DCK: variants seen among roughly 807,000 people sequenced by gnomAD.
The protein encoded by DCK is deoxycytidine kinase, also known as deoxyadenosine kinase.
A neutral mutation model predicts 38.3 loss-of-function variants in DCK; 23 were observed. The observed-to-expected ratio is 0.60, with a 90% CI of 0.43 to 0.85. The LOEUF (loss-of-function observed/expected upper bound fraction) is 0.85. Among genes scored for constraint, DCK ranks in the 40% least tolerant of loss-of-function variants. DCK has a pLI of 0.00. For synonymous variants in DCK, 108 were observed against 100.6 expected (o/e 1.07, Z -0.44); for missense variants, 259 against 304.4 (o/e 0.85, Z 1.11).
In DCK at chr4:71,021,875, G is replaced by A. The variant is rs139506389; in HGVS notation, c.208-492G>A. ...AAATTAGTTGGGCATGGTGGCACGC[G>A]CCTGTAGTCCCAGCTACTTGGGAGG... is the stretch of plus-strand genomic sequence containing the variant. On this transcript the variant is annotated intron_variant, in intron 2 of 6. Coordinates refer to ENST00000286648, the MANE Select transcript of DCK (RefSeq NM_000788.3). Among the ~76,000 whole-genome samples the A allele has an allele frequency of 1.4e-3, 208 of 152,250 alleles. 1 individual carries two copies. The highest frequency in any genetic ancestry group is 6.7e-3 in the East Asian group (35 of 5,186).
Position 71,029,378 on chromosome 4 carries a change from A to G in DCK, c.783A>G (p.Ter261TrpextTer3). Residue 261 changes from the stop codon to tryptophan (W), a stop_lost, in exon 7 of 7, where the codon TGA (stop) becomes TGG (tryptophan). Coordinates refer to ENST00000286648, the MANE Select transcript of DCK (RefSeq NM_000788.3). ...TCAAAGAGTTTTTGAGTACTTTGTGATCTTGCTGAAGACTACAGGCAGCCA... is the reference window on the plus strand; with the variant it reads ...TCAAAGAGTTTTTGAGTACTTTGTGGTCTTGCTGAAGACTACAGGCAGCCA... ...EKVKEFLSTL[*>W] is the part of the protein sequence containing the mutation. The G allele has an allele frequency of 6.2e-7, 1 of 1,607,716 alleles. No homozygotes were observed.
chr4:71,014,279 G>T (rs185120738), intron 2 of DCK, among the ~76,000 whole-genome samples: 16 of 152,308 alleles, frequency 1.1e-4, no homozygotes, highest in Middle Eastern at 3.4e-3. Flanking sequence ...CAAGTCCTTA[G>T]AGACCTACAA....
chr4:71,018,161 C>T (rs1740320462), intron 2 of DCK, among the ~76,000 whole-genome samples: 1 of 129,264 alleles, frequency 7.7e-6, no homozygotes, highest in East Asian at 2.3e-4. Flanking sequence ...GAGTCTCGCT[C>T]TGTCTCCCAG....
intron 2 of DCK, among the ~76,000 whole-genome samples, chr4:71,016,478 A>G (rs1740264659): frequency 6.6e-6 from 1 of 152,098 alleles, no homozygotes; most frequent in Non-Finnish European, 1.5e-5. Flanking sequence ...ATTGCCAGGT[A>G]AATCCTAAGC....
intron 2 of DCK, among the ~76,000 whole-genome samples, chr4:71,003,107 T>G (rs1739852614): frequency 6.6e-6 from 1 of 152,220 alleles, no homozygotes; most frequent in South Asian, 2.1e-4. Context: ...GTTTTTCCTT[T>G]CCATATTTAA....
At chr4:70,997,686 G>A (rs1222203650) in intron 1 of DCK, among the ~76,000 whole-genome samples, 1 of 152,028 alleles carries the variant, frequency 6.6e-6, no homozygotes, top group Non-Finnish European at 1.5e-5. Context: ...ATGTTCATCT[G>A]TGTGTGTGTG....
rs141543579 is a variant in DCK, at chr4:71,003,685, C to T, written c.207+5503C>T. 8.4e-4 allele frequency among the ~76,000 whole-genome samples: 128 copies of T among 152,240 alleles called. No homozygotes were observed. In the East Asian group the frequency reaches 0.018, roughly 21 times the overall value. The stretch of plus-strand genomic sequence containing the variant: ...TCTGTTTTCTCTAATCTTATCTTCA[C>T]GCTTTATTTTTATTAAGTTTTTCTT... On this transcript the variant is annotated intron_variant, in intron 2 of 6. Coordinates refer to ENST00000286648, the MANE Select transcript of DCK (RefSeq NM_000788.3).
intron 2 of DCK, among the ~76,000 whole-genome samples, chr4:71,008,371 A>C (rs1740000068): frequency 6.6e-6 from 1 of 152,150 alleles, no homozygotes; most frequent in Admixed American, 6.6e-5. Context: ...CCCGCTGGCT[A>C]ATGAGGCTGT....
intron 2 of DCK, among the ~76,000 whole-genome samples, chr4:71,003,020 G>C (rs1241576047): frequency 6.6e-6 from 1 of 152,104 alleles, no homozygotes; most frequent in Non-Finnish European, 1.5e-5. Flanking sequence ...TGGTTATTTT[G>C]CCTGTTAGTT....
intron 4 of DCK, among the ~76,000 whole-genome samples, chr4:71,024,911 C>T (rs1261984096): frequency 6.6e-6 from 1 of 151,984 alleles, no homozygotes; most frequent in Non-Finnish European, 1.5e-5. Context: ...ACACCAAAAA[C>T]ATAAATAATA....
intron 2 of DCK, among the ~76,000 whole-genome samples, chr4:71,018,632 C>T (rs1345109594): frequency 6.7e-6 from 1 of 149,140 alleles, no homozygotes; most frequent in Non-Finnish European, 1.5e-5. Flanking sequence ...AATTAACATT[C>T]AGTTTGGTAA....
chr4:71,022,453 A>G lies in DCK; in HGVS notation c.294A>G (p.Thr98=), dbSNP rs559052240. Reference sequence around the variant, plus strand: ...AACGATGGTCTTTTACCTTCCAAACATATGCCTGTCTCAGTCGAATAAGAG... The same window carrying G: ...AACGATGGTCTTTTACCTTCCAAACGTATGCCTGTCTCAGTCGAATAAGAG... ...KPERWSFTFQ[T]YACLSRIRAQ... is the part of the protein sequence containing the mutation. The change falls in exon 3 of 7, where the codon ACA becomes ACG. Residue 98 remains threonine (T), a synonymous_variant. Transcript: ENST00000286648. The G allele has an allele frequency of 3.8e-5, 62 of 1,611,216 alleles. No individual in the cohort carries two copies. Among genetic ancestry groups the G allele is most frequent in the South Asian group, 5.5e-5 (5 of 90,360 alleles).
Position 70,993,869 on chromosome 4 carries a change from T to G in DCK, c.34T>G (p.Phe12Val). 1 of 1,613,970 alleles carries G rather than the reference T, an allele frequency of 6.2e-7. No individual in the cohort carries two copies. The highest frequency in any genetic ancestry group is 8.5e-7 in the Non-Finnish European group (1 of 1,179,884). The change falls in exon 1 of 7, where the codon TTC (phenylalanine) becomes GTC (valine). Residue 12 changes from phenylalanine (F) to valine (V), a missense_variant. Physicochemically the swap from Phe to Val is conservative, Grantham distance 50 (BLOSUM62 -1). Transcript: ENST00000286648. Reference protein sequence around the residue: ...ATPPKRSCPSFSASSEGTRIK... With the variant: ...ATPPKRSCPSVSASSEGTRIK... ...CCCGCCCAAGAGAAGCTGCCCGTCT[T>G]TCTCAGCCAGCTCTGAGGGGACCCG...
intron 2 of DCK, chr4:71,006,460 T>G (rs1739944819): frequency 5.9e-6 from 1 of 170,552 alleles, no homozygotes; most frequent in Admixed American, 6.5e-5. Context: ...GGTTTATGCA[T>G]GTAATCCTGG....
intron 2 of DCK, among the ~76,000 whole-genome samples, chr4:71,004,204 C>T (rs908212782): frequency 1.3e-5 from 2 of 152,168 alleles, no homozygotes; most frequent in African/African-American, 4.8e-5. Flanking sequence ...TTCCTTCTAA[C>T]AGTCAGGCCC....
chr4:71,011,586 G>C (rs1228509278), intron 2 of DCK, among the ~76,000 whole-genome samples: 3 of 152,118 alleles, frequency 2.0e-5, no homozygotes, highest in Non-Finnish European at 2.9e-5. Flanking sequence ...TCAAACTCCT[G>C]GGATCAAGCA....
intron 2 of DCK, among the ~76,000 whole-genome samples, chr4:70,998,528 C>T (rs1739709659): frequency 6.6e-6 from 1 of 152,126 alleles, no homozygotes; most frequent in Non-Finnish European, 1.5e-5. Flanking sequence ...TATGCAGATA[C>T]TACACCATTT....
chr4:70,994,065 C>T (rs536825195), intron 1 of DCK, 139 bp downstream of exon 1: 1 of 689,748 alleles, frequency 1.4e-6, no homozygotes, highest in South Asian at 1.7e-5. Context: ...GCCTCGGCTT[C>T]CTTTCCCACC....
intron 2 of DCK, among the ~76,000 whole-genome samples, chr4:71,010,975 C>T (rs1193466822): frequency 3.5e-4 from 51 of 147,004 alleles, no homozygotes; most frequent in African/African-American, 8.3e-4. Context: ...CTCGTTCTGT[C>T]GCTCAGGCTG....
Sources: gnomAD v4.1 joint callset for allele counts (sites outside exome capture counted in the v4.1 genomes callset) on GRCh38, gnomAD v4.1.1 for gene constraint, MANE v1.5 for transcripts, NCBI Gene and HGNC (gene_info 2026-07-23, HGNC 2026-07-21) for gene names.